The following VDAC2 variants were observed in gnomAD, a reference collection of about 807,000 sequenced individuals.
The protein encoded by VDAC2 is voltage dependent anion channel 2.
A neutral mutation model predicts 36.6 loss-of-function variants in VDAC2; 6 were observed. The observed-to-expected ratio is 0.16, with a 90% CI of 0.09 to 0.32. The LOEUF is 0.32. Ranked by LOEUF, VDAC2 falls within the 10% of genes least tolerant of loss-of-function variation. The probability of loss-of-function intolerance (pLI) is 1.00; values close to 1 mark genes in which losing one functional copy is unlikely to be tolerated. For missense variants in VDAC2, 247 were observed against 346.0 expected (o/e 0.71, Z 2.27); for synonymous variants, 109 against 123.8 (o/e 0.88, Z 0.79).
intron 8 of VDAC2, among the ~76,000 whole-genome samples, chr10:75,226,507 A>C (rs1412470085): frequency 7.7e-6 from 1 of 129,978 alleles, no homozygotes; most frequent in East Asian, 2.4e-4. Context: ...GGCTGGATGG[A>C]GTACAGTGGC....
At chr10:75,221,126 T>G (rs549642031) in intron 7 of VDAC2, 156 bp downstream of exon 7, 2 of 716,414 alleles carry the variant, frequency 2.8e-6, no homozygotes, top group Non-Finnish European at 4.6e-6. Context: ...CTTGAAAGTT[T>G]ATAGTAGAAG....
intron 8 of VDAC2, among the ~76,000 whole-genome samples, chr10:75,224,997 T>C (rs1388187508): frequency 1.3e-5 from 2 of 152,220 alleles, no homozygotes; most frequent in Non-Finnish European, 2.9e-5. Context: ...GAAACTGATT[T>C]TTTTTGTACC....
Position 75,214,343 on chromosome 10 carries a change from A to G in VDAC2, c.150+273A>G, listed in dbSNP as rs550968538. ...CTCGTAAGATTACACATTTGAAGGC[A>G]GGGAACCCATTATTAGACTTTTTTG... On this transcript the variant is annotated intron_variant, in intron 4 of 9. Transcript: ENST00000332211. Among the ~76,000 whole-genome samples, 3 of 152,370 alleles carry G rather than the reference A, an allele frequency of 2.0e-5. No homozygotes were observed. In the East Asian group the frequency reaches 5.8e-4, roughly 29 times the overall value.
chr10:75,229,480 G>A (rs567081049), intron 8 of VDAC2, 164 bp from the exon 9 acceptor site: 19 of 518,360 alleles, frequency 3.7e-5, no homozygotes, highest in South Asian at 9.1e-5. Flanking sequence ...GAATGGATAC[G>A]AATTAAATAG....
At chr10:75,217,767 A>T in intron 4 of VDAC2, 1 of 479,720 alleles carries the variant, frequency 2.1e-6, no homozygotes, top group South Asian at 2.1e-5. Flanking sequence ...AGAGTGATGT[A>T]AGACCTAAGG....
At chr10:75,211,050 C>G in intron 1 of VDAC2, 84 bp from the exon 2 acceptor site, 1 of 1,305,052 alleles carries the variant, frequency 7.7e-7, no homozygotes, top group Non-Finnish European at 1.0e-6. Context: ...GCCGCGCTGC[C>G]CCGCGGCCCC....
chr10:75,226,263 G>A (rs1163059217), intron 8 of VDAC2, among the ~76,000 whole-genome samples: 2 of 151,964 alleles, frequency 1.3e-5, no homozygotes, highest in Non-Finnish European at 2.9e-5. Context: ...GAAACCAGGG[G>A]GTGGCCTATG....
At chr10:75,218,887 T>A (rs1256476064) in intron 4 of VDAC2, among the ~76,000 whole-genome samples, 176 bp from the exon 5 acceptor site, 2 of 152,188 alleles carry the variant, frequency 1.3e-5, no homozygotes, top group Admixed American at 6.5e-5. Flanking sequence ...TTTGTCACTC[T>A]TATATATGCT....
At chr10:75,219,280 C>T (rs776217857) in intron 5 of VDAC2, 24 bp from the exon 6 acceptor site, 373 of 1,573,828 alleles carry the variant, frequency 2.4e-4, no homozygotes, top group Non-Finnish European at 3.1e-4. Flanking sequence ...AAAAAGAAAA[C>T]AAATTACTTT....
At chr10:75,217,265 A>G (rs920774403) in intron 4 of VDAC2, among the ~76,000 whole-genome samples, 1 of 152,160 alleles carries the variant, frequency 6.6e-6, no homozygotes, top group Non-Finnish European at 1.5e-5. Context: ...TCCAAAAAAA[A>G]CCGCAAAATG....
chr10:75,216,198 C>G (rs917083784), intron 4 of VDAC2, among the ~76,000 whole-genome samples: 3 of 152,048 alleles, frequency 2.0e-5, no homozygotes, highest in Non-Finnish European at 4.4e-5. Context: ...CTATTGAGGC[C>G]CCTAGTGTAT....
rs561961102 is a variant in VDAC2 at position 75,224,636 on chromosome 10, A to T, written c.735+2234A>T. Among the ~76,000 whole-genome samples the T allele has an allele frequency of 9.2e-5, 14 of 152,232 alleles. No homozygotes were observed. In the South Asian group the frequency reaches 2.9e-3, roughly 32 times the overall value. ...ACAATAAGAAACAAACAAAATATAC[A>T]ATCCCTTGATTATTGTTATTTGTGA... On this transcript the variant is annotated intron_variant, in intron 8 of 9. Transcript: ENST00000332211.
At chr10:75,218,065 G>A in intron 4 of VDAC2, 1 of 539,312 alleles carries the variant, frequency 1.9e-6, no homozygotes, top group Non-Finnish European at 3.0e-6. Flanking sequence ...TCCAGCTTGG[G>A]TGACAGAGGC....
chr10:75,221,107 A>G, intron 7 of VDAC2, 137 bp downstream of exon 7: 1 of 934,520 alleles, frequency 1.1e-6, no homozygotes, highest in Non-Finnish European at 1.6e-6. Context: ...GGTCATTTCT[A>G]GGGTGCCCCT....
chr10:75,213,296 T>C (rs867632691), intron 3 of VDAC2, among the ~76,000 whole-genome samples: 2 of 151,056 alleles, frequency 1.3e-5, no homozygotes, highest in African/African-American at 4.8e-5. Context: ...GCCAGGCTGG[T>C]TTTGAACTCC....
intron 9 of VDAC2, among the ~76,000 whole-genome samples, chr10:75,230,234 G>A (rs1345510694): frequency 6.6e-6 from 1 of 152,072 alleles, no homozygotes; most frequent in Non-Finnish European, 1.5e-5. Context: ...CCTCCCCAAA[G>A]TTTATTTTGG....
intron 8 of VDAC2, among the ~76,000 whole-genome samples, chr10:75,227,598 T>TTTTTTTTTG (rs1355248368): frequency 6.7e-6 from 1 of 149,090 alleles, no homozygotes; most frequent in African/African-American, 2.5e-5. Context: ...TTTTTTTTTT[T>TTTTTTTTTG]GGAGACAGAG....
At chr10:75,216,716 G>A (rs1316722177) in intron 4 of VDAC2, among the ~76,000 whole-genome samples, 5 of 152,180 alleles carry the variant, frequency 3.3e-5, no homozygotes, top group Admixed American at 1.3e-4. Context: ...GCTGGCTCTT[G>A]ATCTGTGGGC....
At chr10:75,229,502 T>C in intron 8 of VDAC2, 142 bp from the exon 9 acceptor site, 1 of 597,352 alleles carries the variant, frequency 1.7e-6, no homozygotes, top group Non-Finnish European at 2.8e-6. Context: ...ACCTGGTTTG[T>C]TTGGCTTAAT....
Sources: gnomAD v4.1 joint callset for allele counts (sites outside exome capture counted in the v4.1 genomes callset) on GRCh38, gnomAD v4.1.1 for gene constraint, MANE v1.5 for transcripts, NCBI Gene and HGNC (gene_info 2026-07-23, HGNC 2026-07-21) for gene names.